DLGAP1: variants seen among roughly 807,000 people sequenced by gnomAD.
DLGAP1 encodes the protein disks large-associated protein 1.
Under a neutral mutation model 90.8 loss-of-function variants are expected in DLGAP1, and 11 were observed. The ratio of observed to expected loss-of-function variants is 0.12; its 90% CI spans 0.08 to 0.20. The LOEUF is 0.20. Among genes scored for constraint, DLGAP1 ranks in the 10% least tolerant of loss-of-function variants. The pLI is 1.00. For missense variants in DLGAP1, 1,050 were observed against 1,333.8 expected, an observed-to-expected ratio of 0.79 and a Z score of 3.31; for synonymous variants, 558 against 540.7, an observed-to-expected ratio of 1.03 and a Z score of -0.44.
Position 4,343,703 on chromosome 18 carries a change from ACGG to A in DLGAP1, c.-267+111300_-267+111302del, listed in dbSNP as rs564004297. Among the ~76,000 whole-genome samples, 217 of 152,242 alleles carry A rather than the reference ACGG, an allele frequency of 1.4e-3. 1 individual carries two copies. Among genetic ancestry groups the A allele is most frequent in the African/African-American group, 4.5e-3 (185 of 41,542 alleles). On this transcript the variant is annotated intron_variant, in intron 1 of 12. Transcript: ENST00000315677. ...TTAGGAGAAATACCTAATGTAGATG[ACGG>A]GTTGATGGGTACAGCAAACCACCAT...
At chr18:3,507,961 TCCTGA>T (rs1447220116) in intron 11 of DLGAP1, among the ~76,000 whole-genome samples, 5 of 152,216 alleles carry the variant, frequency 3.3e-5, no homozygotes, top group African/African-American at 4.8e-5. Context: ...GGTCTCGAAC[TCCTGA>T]CCTCAGGTGA....
At chr18:4,322,385 A>G (rs1164525630) in intron 1 of DLGAP1, among the ~76,000 whole-genome samples, 2 of 152,198 alleles carry the variant, frequency 1.3e-5, no homozygotes, top group Non-Finnish European at 2.9e-5. Context: ...AGAATACATA[A>G]TGAAAAAAGG....
intron 7 of DLGAP1, among the ~76,000 whole-genome samples, chr18:3,638,478 T>C (rs905336840): frequency 6.6e-6 from 1 of 152,166 alleles, no homozygotes; most frequent in Admixed American, 6.5e-5. Flanking sequence ...CTTGAACTCC[T>C]GGCCTCAAGT....
intron 9 of DLGAP1, among the ~76,000 whole-genome samples, chr18:3,562,854 G>A (rs955147966): frequency 2.6e-5 from 4 of 151,374 alleles, no homozygotes; most frequent in Admixed American, 6.6e-5. Context: ...TTTGAGACAC[G>A]GTCTCTCTCT....
intron 4 of DLGAP1, among the ~76,000 whole-genome samples, chr18:3,842,584 T>G (rs566025546): frequency 5.3e-4 from 74 of 139,896 alleles, no homozygotes; most frequent in African/African-American, 1.8e-3. Context: ...AGATTTGGTG[T>G]TTTTTTTTTT....
intron 3 of DLGAP1, among the ~76,000 whole-genome samples, chr18:3,931,861 C>A (rs1437609147): frequency 6.6e-6 from 1 of 152,108 alleles, no homozygotes; most frequent in Admixed American, 6.5e-5. Flanking sequence ...TTTGGGAGTT[C>A]ACATTTGACT....
chr18:3,874,522 T>G, intron 4 of DLGAP1: 4 of 1,451,984 alleles, frequency 2.8e-6, no homozygotes, highest in Non-Finnish European at 2.7e-6. Context: ...ATTCTGCTTT[T>G]TAAAAGCAAA....
intron 1 of DLGAP1, among the ~76,000 whole-genome samples, chr18:4,159,860 C>T (rs904021287): frequency 2.0e-5 from 3 of 152,034 alleles, no homozygotes; most frequent in Non-Finnish European, 4.4e-5. Context: ...TTTTGGTCTG[C>T]GTTCTTCTCT....
intron 1 of DLGAP1, among the ~76,000 whole-genome samples, chr18:4,169,032 G>C (rs2144569827): frequency 6.6e-6 from 1 of 152,248 alleles, no homozygotes. Context: ...ATATCTCTTT[G>C]AGTCTCTGCT....
chr18:4,045,763 C>T (rs1053894014), intron 2 of DLGAP1, among the ~76,000 whole-genome samples: 5 of 146,558 alleles, frequency 3.4e-5, no homozygotes, highest in Non-Finnish European at 6.0e-5. Context: ...TGGCATTCTT[C>T]GTTTAAAAGG....
At chr18:4,367,850 G>GA (rs1230620585) in intron 1 of DLGAP1, among the ~76,000 whole-genome samples, 16 of 147,208 alleles carry the variant, frequency 1.1e-4, no homozygotes, top group Middle Eastern at 7.1e-3. Flanking sequence ...CTCCATCTCA[G>GA]AAAAAAAAAA....
chr18:3,806,398 T>C (rs2066563044), intron 5 of DLGAP1, among the ~76,000 whole-genome samples: 1 of 152,218 alleles, frequency 6.6e-6, no homozygotes, highest in Non-Finnish European at 1.5e-5. Flanking sequence ...GACTCGTGTG[T>C]GTGTATGTGT....
chr18:4,401,056 A>G (rs1163988236), intron 1 of DLGAP1, among the ~76,000 whole-genome samples: 2 of 152,244 alleles, frequency 1.3e-5, no homozygotes, highest in Non-Finnish European at 2.9e-5. Flanking sequence ...TCAGCCAAAG[A>G]GTATCAGGTT....
At chr18:4,377,104 G>A (rs1437826890) in intron 1 of DLGAP1, among the ~76,000 whole-genome samples, 5 of 152,098 alleles carry the variant, frequency 3.3e-5, no homozygotes, top group South Asian at 4.1e-4. Context: ...CCAAGAGCTC[G>A]GAAGTCACTG....
At chr18:4,132,802 T>C (rs78437826) in intron 2 of DLGAP1, among the ~76,000 whole-genome samples, 2,768 of 152,290 alleles carry the variant, frequency 0.018, 69 homozygotes, top group African/African-American at 0.059. Context: ...CTGCGTGCCA[T>C]ACATGTTGCT....
intron 2 of DLGAP1, among the ~76,000 whole-genome samples, chr18:4,111,547 TG>T (rs1307577540): frequency 6.6e-6 from 1 of 152,206 alleles, no homozygotes; most frequent in East Asian, 1.9e-4. Context: ...TGAAGTCATC[TG>T]AACTATGGAT....
chr18:3,654,763 T>A (rs1450771546), intron 7 of DLGAP1: 2 of 152,210 alleles, frequency 1.3e-5, no homozygotes, highest in Non-Finnish European at 2.9e-5. Flanking sequence ...CAAAGCGAAC[T>A]TGAATTTCTG....
chr18:3,643,919 A>C (rs924316332), intron 7 of DLGAP1, among the ~76,000 whole-genome samples: 2 of 152,110 alleles, frequency 1.3e-5, no homozygotes, highest in Non-Finnish European at 2.9e-5. Context: ...TGCCAATGAA[A>C]AAAGCATGCA....
intron 1 of DLGAP1, among the ~76,000 whole-genome samples, chr18:4,181,436 T>C (rs560423867): frequency 6.6e-6 from 1 of 152,260 alleles, no homozygotes; most frequent in East Asian, 1.9e-4. Flanking sequence ...CACAGGTGGT[T>C]GAAATATATA....
Sources: gnomAD v4.1 joint callset for allele counts (sites outside exome capture counted in the v4.1 genomes callset) on GRCh38, gnomAD v4.1.1 for gene constraint, MANE v1.5 for transcripts, NCBI Gene and HGNC (gene_info 2026-07-23, HGNC 2026-07-21) for gene names.